ZFHX3: variants seen among roughly 807,000 people sequenced by gnomAD.
ZFHX3 encodes zinc finger homeobox 3.
ZFHX3 carries 42 observed loss-of-function variants against 279.1 expected under a neutral mutation model. That is an observed-to-expected ratio of 0.15 (90% CI 0.12 to 0.19). ZFHX3 has a LOEUF of 0.19. ZFHX3 is among the 10% of genes least tolerant of loss of function. ZFHX3 has a pLI of 1.00. For synonymous variants in ZFHX3, 2,293 were observed against 1,957.8 expected (o/e 1.17, Z -4.52); for missense variants, 4,981 against 4,754.0 (o/e 1.05, Z -1.40).
At chr16:73,699,041 C>T (rs1190810002) in intron 1 of ZFHX3, among the ~76,000 whole-genome samples, 1 of 152,118 alleles carries the variant, frequency 6.6e-6, no homozygotes, top group East Asian at 1.9e-4. Context: ...CCCGCTACCA[C>T]GCCTGACTAA....
chr16:72,794,621 G>A lies in ZFHX3; in HGVS notation c.8061C>T (p.Val2687=). Residue 2687 remains valine, a synonymous_variant, in exon 9 of 10, where the codon GTC becomes GTT. Coordinates refer to ENST00000268489, the MANE Select transcript of ZFHX3 (RefSeq NM_006885.4). The surrounding 1 kb of genome is among the most constrained non-coding windows in gnomAD (Gnocchi z 4.2). The stretch of plus-strand genomic sequence containing the variant: ...CCCGAGCTCGGGTGTTCTGAAACCA[G>A]ACTTGTACCACACGTTTCTTCAAGC... ...EVGLKKRVVQ[V]WFQNTRARER... is the part of the protein sequence containing the mutation. 6.2e-7 allele frequency: 1 copy of A among 1,614,220 alleles called. No homozygotes were observed. Among genetic ancestry groups the A allele is most frequent in the Admixed American group, 1.7e-5 (1 of 60,034 alleles).
At position 73,538,813 on chromosome 16, in the gene ZFHX3, C is replaced by T. The variant is rs566644252; in HGVS notation, c.-1546-82555G>A. 7.9e-5 allele frequency among the ~76,000 whole-genome samples: 12 copies of T among 152,296 alleles called. No individual in the cohort carries two copies. The South Asian group carries it at 2.5e-3, about 32-fold the overall frequency. On this transcript the variant is annotated intron_variant, in intron 2 of 17. Transcript: ENST00000641206. ...TTAGTCATCGGGCAAACGACAATAA[C>T]AATGCAGCACCATTTTCTGCCATCT...
chr16:73,410,702 T>C (rs1295213959), intron 3 of ZFHX3, among the ~76,000 whole-genome samples: 1 of 152,164 alleles, frequency 6.6e-6, no homozygotes, highest in African/African-American at 2.4e-5. Flanking sequence ...TGACATCCAG[T>C]AGATGGAGGA....
intron 7 of ZFHX3, among the ~76,000 whole-genome samples, chr16:73,093,987 A>G (rs1966125073): frequency 6.6e-6 from 1 of 152,110 alleles, no homozygotes; most frequent in African/African-American, 2.4e-5. Context: ...CTGAAAACTT[A>G]AGAGTTTAGA....
intron 5 of ZFHX3, among the ~76,000 whole-genome samples, chr16:73,198,341 C>CTT (rs79436905): frequency 4.6e-5 from 6 of 130,194 alleles, no homozygotes; most frequent in African/African-American, 8.3e-5. Context: ...ATGCTGGTAT[C>CTT]TTTTTTTTTT....
rs1041678020 is a variant in ZFHX3 at position 73,799,298 on chromosome 16, A to C, written c.-1608+92353T>G. Among the ~76,000 whole-genome samples, 17 of 152,362 alleles carry C rather than the reference A, an allele frequency of 1.1e-4. No individual in the cohort carries two copies. In the Middle Eastern group the frequency reaches 0.01, roughly 91 times the overall value. The stretch of plus-strand genomic sequence containing the variant: ...TATAAAAGTGTTTCTGAACATGGGA[A>C]GATGCTATATGAGTGTAAATGATGT... On this transcript the variant is annotated intron_variant, in intron 1 of 17. Coordinates refer to the ZFHX3 transcript ENST00000641206.
chr16:73,298,375 G>T (rs2014972921), intron 4 of ZFHX3, among the ~76,000 whole-genome samples: 1 of 151,812 alleles, frequency 6.6e-6, no homozygotes, highest in African/African-American at 2.4e-5. Context: ...GTAGAGATGG[G>T]GTTTCTCCAT....
At chr16:73,415,114 C>G (rs1227464334) in intron 3 of ZFHX3, among the ~76,000 whole-genome samples, 2 of 152,166 alleles carry the variant, frequency 1.3e-5, no homozygotes, top group Non-Finnish European at 2.9e-5. Context: ...AAATGTTTCT[C>G]TCTCAGTTTT....
At chr16:73,653,641 T>G (rs1033275983) in intron 2 of ZFHX3, among the ~76,000 whole-genome samples, 1 of 152,126 alleles carries the variant, frequency 6.6e-6, no homozygotes, top group Admixed American at 6.5e-5. Flanking sequence ...AATGACTACT[T>G]TCCCATTTCT....
At chr16:73,366,001 T>A (rs1402759494) in intron 3 of ZFHX3, among the ~76,000 whole-genome samples, 1 of 152,148 alleles carries the variant, frequency 6.6e-6, no homozygotes. Flanking sequence ...GAATAATTGA[T>A]GGTGGCAAGA....
chr16:73,050,011 G>C (rs1228232695), upstream of ZFHX3, among the ~76,000 whole-genome samples: 2 of 152,148 alleles, frequency 1.3e-5, no homozygotes, highest in African/African-American at 4.8e-5. Flanking sequence ...CCGGAAAAAC[G>C]AAGATTCCTT....
chr16:72,828,790 C>A (rs886710427), intron 5 of ZFHX3, among the ~76,000 whole-genome samples: 1 of 152,018 alleles, frequency 6.6e-6, no homozygotes, highest in African/African-American at 2.4e-5. Context: ...GCAGCTTCGA[C>A]CTCCCTGGCT....
chr16:73,574,351 C>CCA (rs1555525576), intron 2 of ZFHX3, among the ~76,000 whole-genome samples: 1 of 152,090 alleles, frequency 6.6e-6, no homozygotes, highest in African/African-American at 2.4e-5. Flanking sequence ...TTGGGCCCCC[C>CCA]CCAGCATCCA....
At chr16:72,888,796 GGAAA>G (rs1163865672) in intron 4 of ZFHX3, among the ~76,000 whole-genome samples, 3 of 152,196 alleles carry the variant, frequency 2.0e-5, no homozygotes, top group Non-Finnish European at 4.4e-5. Context: ...TGGTGACAGA[GGAAA>G]TGGGTTGTAG....
rs149476230 is a variant in ZFHX3, at chr16:73,414,242, A to T, written c.-1291+41761T>A. Among the ~76,000 whole-genome samples, 1,122 of 152,340 alleles carry T rather than the reference A, an allele frequency of 7.4e-3. 16 individuals are homozygous for T. Among genetic ancestry groups the T allele is most frequent in the African/African-American group, 0.025 (1,059 of 41,580 alleles). On this transcript the variant is annotated intron_variant, in intron 3 of 17. Coordinates refer to the ZFHX3 transcript ENST00000641206. ...ATTACCTGAAAGGTAAATGAAAGGG[A>T]CCATAATTCAGGGTATAACCCACAC...
intron 5 of ZFHX3, among the ~76,000 whole-genome samples, chr16:72,817,567 A>G (rs2036648920): frequency 6.6e-6 from 1 of 152,136 alleles, no homozygotes. Flanking sequence ...TCTTCTCATC[A>G]CTAAACACAC....
At chr16:73,294,697 G>T (rs2014862441) in intron 4 of ZFHX3, among the ~76,000 whole-genome samples, 1 of 151,928 alleles carries the variant, frequency 6.6e-6, no homozygotes, top group Admixed American at 6.6e-5. Flanking sequence ...TGTAATTCCA[G>T]CTACTCAGGG....
chr16:73,180,169 C>T (rs1442091472), intron 5 of ZFHX3, among the ~76,000 whole-genome samples: 3 of 152,208 alleles, frequency 2.0e-5, no homozygotes, highest in Non-Finnish European at 4.4e-5. Flanking sequence ...TTCCTGTTTC[C>T]AGCCAACTCT....
At chr16:73,708,987 A>T (rs1404838280) in intron 1 of ZFHX3, among the ~76,000 whole-genome samples, 1 of 152,078 alleles carries the variant, frequency 6.6e-6, no homozygotes, top group Non-Finnish European at 1.5e-5. Flanking sequence ...CATGACAATT[A>T]CTTTCCTTTG....
Sources: gnomAD v4.1 joint callset for allele counts (sites outside exome capture counted in the v4.1 genomes callset) on GRCh38, gnomAD v4.1.1 for gene constraint, Gnocchi (gnomAD v3.1) non-coding constraint, MANE v1.5 for transcripts, NCBI Gene and HGNC (gene_info 2026-07-23, HGNC 2026-07-21) for gene names.